Variants in RFX7 observed in about 807,000 individuals in gnomAD.
RFX7 encodes regulatory factor X7.
Under a neutral mutation model 111.8 loss-of-function variants are expected in RFX7, and 26 were observed. The ratio of observed to expected loss-of-function variants is 0.23; its 90% CI spans 0.17 to 0.32. The LOEUF is 0.32. Ranked by LOEUF, RFX7 falls within the 10% of genes least tolerant of loss-of-function variation. The pLI, the probability that RFX7 is intolerant of heterozygous loss-of-function variation, is 1.00. For synonymous variants in RFX7, 624 were observed against 624.4 expected, an observed-to-expected ratio of 1.00 and a Z score of 0.01; for missense variants, 1,573 against 1,772.9, an observed-to-expected ratio of 0.89 and a Z score of 2.02.
chr15:56,160,799 T>G (rs2042711310), intron 3 of RFX7: 1 of 152,100 alleles, frequency 6.6e-6, no homozygotes, highest in Non-Finnish European at 1.5e-5. Flanking sequence ...GTATGAGGAC[T>G]CTATTTTCCA....
intron 2 of RFX7, among the ~76,000 whole-genome samples, chr15:56,199,673 G>A (rs141821688): frequency 7.3e-4 from 111 of 152,052 alleles, no homozygotes; most frequent in Non-Finnish European, 1.3e-3. Context: ...GAAACACCAT[G>A]GTAAATATAG....
chr15:56,162,512 ATGTAATAAATTTGAAAGCTAGC>A (rs1177362894), intron 3 of RFX7, among the ~76,000 whole-genome samples: 3 of 152,036 alleles, frequency 2.0e-5, no homozygotes, highest in Non-Finnish European at 4.4e-5. Context: ...TTTTGAGACA[ATGTAATAAATTTGAAAGCTAGC>A]TGACAATGGT....
intron 2 of RFX7, among the ~76,000 whole-genome samples, chr15:56,212,956 C>A (rs2043327442): frequency 6.6e-6 from 1 of 152,086 alleles, no homozygotes; most frequent in Non-Finnish European, 1.5e-5. Flanking sequence ...ACAAATACAA[C>A]CACAATGAGA....
intron 5 of RFX7, among the ~76,000 whole-genome samples, chr15:56,136,838 T>C (rs1490109016): frequency 1.4e-4 from 20 of 146,400 alleles, no homozygotes; most frequent in Non-Finnish European, 2.2e-4. Flanking sequence ...GGTTGTTGAA[T>C]TTTGTCAAAG....
At chr15:56,218,157 T>C (rs895422491) in intron 2 of RFX7, among the ~76,000 whole-genome samples, 1 of 137,230 alleles carries the variant, frequency 7.3e-6, no homozygotes, top group Non-Finnish European at 1.6e-5. Flanking sequence ...TTTTTTTTTT[T>C]TTTTTTTTTT....
At position 56,243,465 on chromosome 15, in the gene RFX7, C is replaced by T. The variant is rs2043741284; in HGVS notation, c.-23G>A. 2 of 984,896 alleles carry T rather than the reference C, an allele frequency of 2.0e-6. No individual in the cohort carries two copies. Among genetic ancestry groups the T allele is most frequent in the Non-Finnish European group, 2.4e-6 (2 of 829,724 alleles). The allele number at this position is 984,896 out of a possible 1,614,324, so 61.0% of individuals were successfully genotyped here. ...TTTACCCCAGGGCTCGAGTGAGTCG[C>T]TTTCGCCTGCCGCCTGGGGAACATC... On this transcript the variant is annotated 5_prime_UTR_variant, in exon 1 of 10. Transcript: ENST00000559447.
chr15:56,243,369 G>C (rs1315465004), intron 1 of RFX7, 76 bp downstream of exon 1: 6 of 888,016 alleles, frequency 6.8e-6, no homozygotes, highest in East Asian at 8.9e-5. Flanking sequence ...GAGGACGAAG[G>C]GGGGAGAGGA....
At chr15:56,232,930 T>C (rs2043582524) in intron 2 of RFX7, among the ~76,000 whole-genome samples, 1 of 151,862 alleles carries the variant, frequency 6.6e-6, no homozygotes, top group South Asian at 2.1e-4. Context: ...CTCTAGGGAG[T>C]TCCAAACTTT....
chr15:56,144,568 C>T (rs1007851069), intron 3 of RFX7, 85 bp from the exon 4 acceptor site: 15 of 512,988 alleles, frequency 2.9e-5, no homozygotes, highest in Non-Finnish European at 5.0e-5. Flanking sequence ...TCTCCCTAAA[C>T]GATAATGACT....
chr15:56,235,178 TG>T (rs1180479476), intron 2 of RFX7, among the ~76,000 whole-genome samples: 2 of 145,752 alleles, frequency 1.4e-5, no homozygotes, highest in East Asian at 4.9e-4. Context: ...TCTCGTTTGT[TG>T]TTTTTTTTTT....
chr15:56,233,607 A>G (rs2043591823), intron 2 of RFX7, among the ~76,000 whole-genome samples: 1 of 152,254 alleles, frequency 6.6e-6, no homozygotes, highest in African/African-American at 2.4e-5. Flanking sequence ...GATGGAAAGA[A>G]GGAAAAGTGA....
chr15:56,142,495 A>G (rs1483536604), intron 5 of RFX7, among the ~76,000 whole-genome samples: 1 of 152,254 alleles, frequency 6.6e-6, no homozygotes, highest in East Asian at 1.9e-4. Context: ...TTCTATAGGA[A>G]TCCTTTTATT....
intron 3 of RFX7, among the ~76,000 whole-genome samples, chr15:56,159,805 T>C (rs1218295419): frequency 1.3e-5 from 2 of 152,210 alleles, no homozygotes; most frequent in Non-Finnish European, 2.9e-5. Context: ...TTAAATGTCT[T>C]ATTACCAGAA....
At chr15:56,109,304 TC>T (rs1215665454) in intron 5 of RFX7, among the ~76,000 whole-genome samples, 2 of 152,268 alleles carry the variant, frequency 1.3e-5, no homozygotes, top group Non-Finnish European at 2.9e-5. Context: ...AGCCTCGGCC[TC>T]CCGAGGTGCC....
At chr15:56,215,949 T>G (rs2043359302) in intron 2 of RFX7, among the ~76,000 whole-genome samples, 1 of 152,310 alleles carries the variant, frequency 6.6e-6, no homozygotes, top group Middle Eastern at 3.4e-3. Flanking sequence ...AGAGCCTCTC[T>G]GTGGGCTTCT....
intron 5 of RFX7, among the ~76,000 whole-genome samples, chr15:56,138,845 T>G (rs1443941006): frequency 2.9e-4 from 44 of 152,260 alleles, no homozygotes; most frequent in African/African-American, 1.1e-3. Context: ...TGCTTGTCTG[T>G]AAAGTATTTT....
chr15:56,226,224 A>G (rs1349606664), intron 2 of RFX7, among the ~76,000 whole-genome samples: 2 of 152,182 alleles, frequency 1.3e-5, no homozygotes, highest in African/African-American at 4.8e-5. Context: ...TGTAATCCAT[A>G]TTTATTAAAC....
chr15:56,152,076 A>G (rs969872926), intron 3 of RFX7, among the ~76,000 whole-genome samples: 8 of 152,240 alleles, frequency 5.3e-5, no homozygotes, highest in Non-Finnish European at 1.2e-4. Flanking sequence ...AGAGACCTAT[A>G]AAGAGACTTA....
At chr15:56,147,723 G>A (rs138478335) in intron 3 of RFX7, among the ~76,000 whole-genome samples, 131 of 152,148 alleles carry the variant, frequency 8.6e-4, no homozygotes, top group Non-Finnish European at 2.2e-4. Context: ...ACTGGCACCC[G>A]CCACCAGGCC....
Sources: allele counts gnomAD v4.1 joint callset (sites outside exome capture counted in the v4.1 genomes callset), GRCh38; gene constraint gnomAD v4.1.1; transcripts MANE v1.5; gene names NCBI Gene and HGNC (gene_info 2026-07-23, HGNC 2026-07-21).